Variants in NETO2 observed in about 807,000 individuals in gnomAD.
NETO2 encodes neuropilin and tolloid like 2, also known as neuropilin and tolloid-like protein 2.
A neutral mutation model predicts 62.5 loss-of-function variants in NETO2; 28 were observed. The observed-to-expected ratio is 0.45, with a 90% CI of 0.33 to 0.61. The LOEUF (loss-of-function observed/expected upper bound fraction) is 0.61, where lower values mean the gene tolerates loss of function less well. NETO2 is among the 20% of genes least tolerant of loss of function. The pLI is 0.02. For missense variants in NETO2, 548 were observed against 643.2 expected, an observed-to-expected ratio of 0.85 and a Z score of 1.60; for synonymous variants, 214 against 219.1, an observed-to-expected ratio of 0.98 and a Z score of 0.21.
intron 7 of NETO2, among the ~76,000 whole-genome samples, chr16:47,101,930 C>G (rs1007684782): frequency 6.6e-6 from 1 of 152,174 alleles, no homozygotes; most frequent in African/African-American, 2.4e-5. Context: ...TTAGAAAAAA[C>G]TAGTTTAAAT....
intron 4 of NETO2, among the ~76,000 whole-genome samples, chr16:47,127,434 T>TACAC (rs369841840): frequency 7.3e-5 from 11 of 151,570 alleles, no homozygotes; most frequent in African/African-American, 2.2e-4. Context: ...TATGTATCTA[T>TACAC]ACACACACAC....
intron 7 of NETO2, among the ~76,000 whole-genome samples, chr16:47,096,618 A>T (rs1047938323): frequency 6.6e-6 from 1 of 152,228 alleles, no homozygotes; most frequent in Non-Finnish European, 1.5e-5. Context: ...AATAGGCCTA[A>T]AACTAGCAAG....
intron 7 of NETO2, among the ~76,000 whole-genome samples, chr16:47,097,813 C>A (rs951022220): frequency 6.6e-6 from 1 of 152,172 alleles, no homozygotes; most frequent in African/African-American, 2.4e-5. Flanking sequence ...TGGGACGAAG[C>A]TTCCAGAGAA....
intron 7 of NETO2, among the ~76,000 whole-genome samples, chr16:47,091,557 G>A (rs953994609): frequency 2.6e-5 from 4 of 152,208 alleles, no homozygotes; most frequent in Non-Finnish European, 1.5e-5. Flanking sequence ...AGTGCAGAAA[G>A]AGTTAACATT....
intron 2 of NETO2, among the ~76,000 whole-genome samples, chr16:47,131,411 A>C (rs1370718916): frequency 6.6e-6 from 1 of 152,228 alleles, no homozygotes; most frequent in Non-Finnish European, 1.5e-5. Flanking sequence ...TAAGTAGGGC[A>C]AGATGGGGAA....
At chr16:47,100,042 T>C (rs968023833) in intron 7 of NETO2, among the ~76,000 whole-genome samples, 5 of 152,200 alleles carry the variant, frequency 3.3e-5, no homozygotes, top group Admixed American at 1.3e-4. Context: ...TATTCTAAAA[T>C]TGACCACATA....
At chr16:47,095,442 T>C (rs1013760341) in intron 7 of NETO2, among the ~76,000 whole-genome samples, 3 of 152,162 alleles carry the variant, frequency 2.0e-5, no homozygotes, top group African/African-American at 7.2e-5. Flanking sequence ...AATTATATGC[T>C]GCCTGTAGGA....
intron 1 of NETO2, 132 bp from the exon 2 acceptor site, chr16:47,132,157 G>T: frequency 4.4e-6 from 3 of 683,550 alleles, no homozygotes; most frequent in Non-Finnish European, 7.5e-6. Context: ...TCACTCTCAA[G>T]ATCTTTAAGC....
In NETO2 at chr16:47,080,345, T is replaced by C. The variant is rs190841393; in HGVS notation, c.*2876A>G. The C allele has an allele frequency of 6.6e-6, 1 of 152,226 alleles. No individual in the cohort carries two copies. The highest frequency in any genetic ancestry group is 1.5e-5 in the Non-Finnish European group (1 of 68,024). The allele number at this position is 152,226 out of a possible 1,614,324, so 9.4% of individuals were successfully genotyped here. A position where few individuals can be genotyped will look rare whatever the true frequency, so the allele number is the denominator to read the frequency against. On this transcript the variant is annotated 3_prime_UTR_variant, in exon 9 of 9. Coordinates refer to ENST00000562435, the MANE Select transcript of NETO2 (RefSeq NM_018092.5). ...TATTTATCCCTTCCAGATTTGCATT[T>C]TGTGTTCAACACTGGGACACTGTGT...
At chr16:47,125,092 G>A (rs929056045) in intron 4 of NETO2, among the ~76,000 whole-genome samples, 1 of 152,142 alleles carries the variant, frequency 6.6e-6, no homozygotes, top group Non-Finnish European at 1.5e-5. Flanking sequence ...TTCTTTGGAT[G>A]TCTTTTTCTG....
At chr16:47,120,310 T>C (rs1366241709) in intron 6 of NETO2, among the ~76,000 whole-genome samples, 1 of 152,232 alleles carries the variant, frequency 6.6e-6, no homozygotes, top group Non-Finnish European at 1.5e-5. Context: ...ATTTTAACTG[T>C]AGCATTTAAT....
At chr16:47,116,300 T>C (rs988518883) in intron 6 of NETO2, among the ~76,000 whole-genome samples, 1 of 152,178 alleles carries the variant, frequency 6.6e-6, no homozygotes, top group African/African-American at 2.4e-5. Context: ...TGGTAGGTTT[T>C]TGTAGATACC....
intron 2 of NETO2, among the ~76,000 whole-genome samples, chr16:47,130,326 G>T (rs1035266982): frequency 6.6e-6 from 1 of 152,124 alleles, no homozygotes; most frequent in Non-Finnish European, 1.5e-5. Context: ...TCAACAGTGA[G>T]AGCCAGTAAC....
At chr16:47,142,974 G>C (rs1159056527) in intron 1 of NETO2, among the ~76,000 whole-genome samples, 2 of 151,822 alleles carry the variant, frequency 1.3e-5, no homozygotes, top group Non-Finnish European at 2.9e-5. Flanking sequence ...CGGGGGCCGG[G>C]ACAAGCCGGG....
intron 1 of NETO2, among the ~76,000 whole-genome samples, chr16:47,139,685 A>G (rs1964426264): frequency 6.6e-6 from 1 of 152,262 alleles, no homozygotes; most frequent in African/African-American, 2.4e-5. Flanking sequence ...TTTACTAGTT[A>G]AGAACAAAGA....
At chr16:47,099,909 A>G (rs966648415) in intron 7 of NETO2, among the ~76,000 whole-genome samples, 5 of 152,230 alleles carry the variant, frequency 3.3e-5, no homozygotes, top group Non-Finnish European at 5.9e-5. Context: ...AACGAGACGG[A>G]AAATTAACAA....
At position 47,143,777 on chromosome 16, in the gene NETO2, C is replaced by T. The variant is rs1964516915; in HGVS notation, c.-165G>A. The T allele has an allele frequency of 2.0e-6, 2 of 982,094 alleles. No individual in the cohort carries two copies. The highest frequency in any genetic ancestry group is 1.3e-6 in the Non-Finnish European group (1 of 770,324). 60.8% of individuals were successfully genotyped at this position (982,094 alleles called of 1,614,324 possible). A position where few individuals can be genotyped will look rare whatever the true frequency, so the allele number is the denominator to read the frequency against. On this transcript the variant is annotated 5_prime_UTR_variant, in exon 1 of 9. Coordinates refer to ENST00000562435, the MANE Select transcript of NETO2 (RefSeq NM_018092.5). The stretch of plus-strand genomic sequence containing the variant: ...AGCTCAGGTCCTGCGGCCCGCCATG[C>T]CCGAGCCCCACAGTGGGCTCCCGCG...
chr16:47,131,058 T>A, intron 2 of NETO2, among the ~76,000 whole-genome samples: 1 of 150,848 alleles, frequency 6.6e-6, no homozygotes, highest in African/African-American at 2.4e-5. Context: ...GAAAGGGAAT[T>A]TTAAAAATTA....
intron 7 of NETO2, among the ~76,000 whole-genome samples, chr16:47,100,252 T>C (rs1447123812): frequency 5.9e-5 from 9 of 152,114 alleles, no homozygotes; most frequent in East Asian, 1.9e-4. Context: ...AATAAGTTCT[T>C]TGAAACCAAT....
Sources: gnomAD v4.1 joint callset for allele counts (sites outside exome capture counted in the v4.1 genomes callset) on GRCh38, gnomAD v4.1.1 for gene constraint, MANE v1.5 for transcripts, NCBI Gene and HGNC (gene_info 2026-07-23, HGNC 2026-07-21) for gene names.